Variants in SMG7 observed in about 807,000 individuals in gnomAD.
SMG7 encodes nonsense-mediated mRNA decay factor SMG7.
A neutral mutation model predicts 148.2 loss-of-function variants in SMG7; 34 were observed. The ratio of observed to expected loss-of-function variants is 0.23; its 90% confidence interval spans 0.17 to 0.31. The LOEUF is 0.31. SMG7 is among the 10% of genes least tolerant of loss of function. The probability of loss-of-function intolerance (pLI) is 1.00; values close to 1 mark genes in which losing one functional copy is unlikely to be tolerated. For synonymous variants in SMG7, 492 were observed against 515.1 expected (o/e 0.96, Z 0.61); for missense variants, 1,114 against 1,408.4 (o/e 0.79, Z 3.35).
intron 12 of SMG7, among the ~76,000 whole-genome samples, chr1:183,539,999 T>C (rs1286366948): frequency 6.6e-6 from 1 of 152,232 alleles, no homozygotes; most frequent in Non-Finnish European, 1.5e-5. Context: ...AGCTTGATGC[T>C]CAAGTTCCAG....
At chr1:183,502,600 A>T (rs1352948602) in intron 1 of SMG7, among the ~76,000 whole-genome samples, 1 of 152,170 alleles carries the variant, frequency 6.6e-6, no homozygotes, top group Non-Finnish European at 1.5e-5. Context: ...GAGCATTTTT[A>T]TCTTGTGGTC....
Position 183,549,308 on chromosome 1 carries a change from T to A in SMG7, c.2973+20T>A. On this transcript the variant is annotated intron_variant, in intron 19 of 22. Coordinates refer to ENST00000688051, the MANE Select transcript of SMG7 (RefSeq NM_001375584.1). ...AATCAGGTAGGTGAACAATGAAGAA[T>A]CCTGCTGTGTGCTTTTAGTGTAGAC... 6.5e-7 allele frequency: 1 copy of A among 1,537,262 alleles called. No individual in the cohort carries two copies. The highest frequency in any genetic ancestry group is 9.0e-7 in the Non-Finnish European group (1 of 1,110,122).
intron 1 of SMG7, among the ~76,000 whole-genome samples, chr1:183,494,531 G>T (rs1300142088): frequency 1.3e-5 from 2 of 149,412 alleles, no homozygotes; most frequent in South Asian, 2.1e-4. Flanking sequence ...AGCCCAAAGA[G>T]TTTCCTTTTT....
chr1:183,520,748 GA>G (rs1470158284), intron 4 of SMG7, among the ~76,000 whole-genome samples: 2 of 152,122 alleles, frequency 1.3e-5, no homozygotes, highest in Non-Finnish European at 2.9e-5. Flanking sequence ...GGTTTAACTA[GA>G]AATTGGTAAA....
Position 183,542,057 on chromosome 1 carries a change from TTTA to T in SMG7, c.1416-16_1416-14del. ...TAAGTTAATGTTTTTTATATATGGATTTATTTTTGCTTTTTTAGGCTGATTCAG... is the reference window on the plus strand; with the variant it reads ...TAAGTTAATGTTTTTTATATATGGATTTTTTGCTTTTTTAGGCTGATTCAG... On this transcript the variant is annotated splice_polypyrimidine_tract_variant and intron_variant, in intron 13 of 22. Transcript: ENST00000688051. 6.3e-7 allele frequency: 1 copy of T among 1,581,092 alleles called. No homozygotes were observed. Among genetic ancestry groups the T allele is most frequent in the Non-Finnish European group, 8.6e-7 (1 of 1,164,150 alleles).
In SMG7 at chr1:183,542,359, A is replaced by G. The variant is rs776925128; in HGVS notation, c.1699A>G (p.Lys567Glu). ...AGACCAAGGAAGAAGTTTTCCTCCC[A>G]AAGAGGTGAGAAGGGACTATAGCAA... is the stretch of plus-strand genomic sequence containing the variant. ...NRDQGRSFPP[K>E]EVRRDYSKGI... Residue 567 changes from lysine to glutamate, a missense_variant, in exon 14 of 23, where the codon AAA becomes GAA. Physicochemically the swap from Lys to Glu is moderately conservative, Grantham distance 56. Transcript: ENST00000688051. The G allele has an allele frequency of 1.2e-6, 2 of 1,614,130 alleles. No homozygotes were observed. Among genetic ancestry groups the G allele is most frequent in the Non-Finnish European group, 1.7e-6 (2 of 1,179,986 alleles).
intron 13 of SMG7, among the ~76,000 whole-genome samples, chr1:183,541,355 T>C (rs1668818692): frequency 6.6e-6 from 1 of 152,254 alleles, no homozygotes; most frequent in African/African-American, 2.4e-5. Context: ...CTTTCTTGTT[T>C]ATCGTGAGTT....
intron 11 of SMG7, 25 bp from the exon 12 acceptor site, chr1:183,538,355 G>C: frequency 6.3e-7 from 1 of 1,584,442 alleles, no homozygotes; most frequent in Non-Finnish European, 8.7e-7. Context: ...TAAAATGTTT[G>C]CAAATTTTGA....
At chr1:183,477,448 A>G (rs1396043174) in intron 1 of SMG7, among the ~76,000 whole-genome samples, 1 of 151,770 alleles carries the variant, frequency 6.6e-6, no homozygotes, top group Non-Finnish European at 1.5e-5. Context: ...ATATACATAT[A>G]TACATGTGTG....
intron 4 of SMG7, among the ~76,000 whole-genome samples, chr1:183,526,025 CT>C (rs1041086728): frequency 2.0e-5 from 3 of 151,652 alleles, no homozygotes; most frequent in Middle Eastern, 3.4e-3. Context: ...GTTAAATAAT[CT>C]TTTTTTAAAA....
chr1:183,549,210 A>G lies in SMG7; in HGVS notation c.2895A>G (p.Lys965=). 1 of 1,611,414 alleles carries G rather than the reference A, an allele frequency of 6.2e-7. No individual in the cohort carries two copies. The highest frequency in any genetic ancestry group is 8.5e-7 in the Non-Finnish European group (1 of 1,177,856). ...LASLPGRSLF[K]SLLEKPSELM... ...CCTTTTTTTCTGGGACTGTGAAGAA[A>G]TCCTTATTGGAGAAGCCCTCAGAGC... The change falls in exon 19 of 23, where the codon AAA becomes AAG. Residue 965 remains lysine (K), a splice_region_variant and synonymous_variant. Coordinates refer to ENST00000688051, the MANE Select transcript of SMG7 (RefSeq NM_001375584.1).
chr1:183,476,048 G>T (rs978411547), intron 1 of SMG7, among the ~76,000 whole-genome samples: 1 of 152,270 alleles, frequency 6.6e-6, no homozygotes, highest in East Asian at 1.9e-4. Context: ...CCTAGGTGGT[G>T]GTTGTGGGAA....
chr1:183,541,705 A>G (rs372208149), intron 13 of SMG7, among the ~76,000 whole-genome samples: 12 of 152,290 alleles, frequency 7.9e-5, no homozygotes, highest in African/African-American at 2.6e-4. Flanking sequence ...AAATGCTTCC[A>G]TGTTTGAATG....
intron 10 of SMG7, among the ~76,000 whole-genome samples, chr1:183,534,807 C>T (rs111884807): frequency 0.019 from 2,876 of 151,386 alleles, 104 homozygotes; most frequent in African/African-American, 0.067. Context: ...GCAGAGGTTG[C>T]GGTGAGCTGA....
chr1:183,511,339 C>T (rs1018291689), intron 1 of SMG7, among the ~76,000 whole-genome samples: 10 of 152,126 alleles, frequency 6.6e-5, no homozygotes, highest in Non-Finnish European at 1.3e-4. Context: ...GCTGTGAGAG[C>T]ATAAAATAGG....
chr1:183,533,715 A>G lies in SMG7; in HGVS notation c.1046A>G (p.Asn349Ser), dbSNP rs746673974. 2.0e-5 allele frequency: 33 copies of G among 1,613,450 alleles called. No homozygotes were observed. The highest frequency in any genetic ancestry group is 1.1e-5 in the Non-Finnish European group (13 of 1,179,696). ...LGILCKCPLQNESQEESYNAY... is the reference protein window; with the variant it reads ...LGILCKCPLQSESQEESYNAY... Reference sequence around the variant, plus strand: ...ATCCTGTGCAAGTGTCCTCTACAGAATGAGTCTCAGGAGGAGTCCTACAAT... The same window carrying G: ...ATCCTGTGCAAGTGTCCTCTACAGAGTGAGTCTCAGGAGGAGTCCTACAAT... The change falls in exon 10 of 23, where the codon AAT becomes AGT. Residue 349 changes from asparagine to serine, a missense_variant. Physicochemically the swap from Asn to Ser is conservative, Grantham distance 46. Around this residue, in one of 4 missense-constraint regions of SMG7, gnomAD observed 102 missense variants for 147.2 expected, o/e 0.69. Transcript: ENST00000688051.
intron 10 of SMG7, among the ~76,000 whole-genome samples, chr1:183,534,589 T>C (rs901240416): frequency 2.0e-5 from 3 of 152,210 alleles, no homozygotes; most frequent in Admixed American, 6.5e-5. Context: ...GGCCAAGCAC[T>C]GTGGCTCATG....
intron 1 of SMG7, among the ~76,000 whole-genome samples, chr1:183,497,670 T>C (rs1658828341): frequency 1.3e-5 from 2 of 152,072 alleles, no homozygotes; most frequent in African/African-American, 2.4e-5. Context: ...CCCCGGTTCA[T>C]GCGATTCTCC....
At chr1:183,492,628 AG>A (rs1657351995) in intron 1 of SMG7, among the ~76,000 whole-genome samples, 4 of 152,206 alleles carry the variant, frequency 2.6e-5, no homozygotes, top group African/African-American at 9.6e-5. Flanking sequence ...ACTATAGTTC[AG>A]TTTGGGGAGA....
Sources: gnomAD v4.1 joint callset for allele counts (sites outside exome capture counted in the v4.1 genomes callset) on GRCh38, gnomAD v4.1.1 for gene constraint, gnomAD v4.1.1 regional missense constraint, MANE v1.5 for transcripts, NCBI Gene and HGNC (gene_info 2026-07-23, HGNC 2026-07-21) for gene names.